CA10: variants seen among roughly 807,000 people sequenced by gnomAD.
The protein encoded by CA10 is carbonic anhydrase-related protein 10.
A neutral mutation model predicts 44.2 loss-of-function variants in CA10; 14 were observed. The observed-to-expected ratio is 0.32, with a 90% CI of 0.21 to 0.50. CA10 has a LOEUF of 0.50. Ranked by LOEUF, CA10 falls within the 20% of genes least tolerant of loss-of-function variation. The pLI is 0.99. For synonymous variants in CA10, 159 were observed against 141.6 expected (o/e 1.12, Z -0.87); for missense variants, 350 against 409.7 (o/e 0.85, Z 1.26).
At chr17:51,889,363 A>G (rs1348580942) in intron 3 of CA10, among the ~76,000 whole-genome samples, 1 of 152,050 alleles carries the variant, frequency 6.6e-6, no homozygotes, top group Non-Finnish European at 1.5e-5. Flanking sequence ...CTCTACGAAA[A>G]ATACAAAAAA....
chr17:51,653,568 AAC>A, intron 5 of CA10, 71 bp downstream of exon 5: 1 of 873,536 alleles, frequency 1.1e-6, no homozygotes, highest in South Asian at 1.3e-5. Flanking sequence ...TTCTAACTCC[AAC>A]AGAGACCGTA....
intron 3 of CA10, among the ~76,000 whole-genome samples, chr17:51,797,085 A>T (rs1050752684): frequency 6.6e-6 from 1 of 152,224 alleles, no homozygotes; most frequent in African/African-American, 2.4e-5. Flanking sequence ...ATCAGAAGGA[A>T]GATGGACCAA....
intron 3 of CA10, among the ~76,000 whole-genome samples, chr17:51,803,006 A>T (rs1411806953): frequency 6.6e-6 from 1 of 152,208 alleles, no homozygotes; most frequent in East Asian, 1.9e-4. Flanking sequence ...GCCAGTTATG[A>T]CAAGACACTC....
intron 5 of CA10, 64 bp from the exon 6 acceptor site, chr17:51,649,318 G>A: frequency 8.7e-7 from 1 of 1,155,760 alleles, no homozygotes; most frequent in Non-Finnish European, 1.3e-6. Context: ...ATCTCCCCGT[G>A]ACATTCACTT....
chr17:51,631,478 G>T lies in CA10; in HGVS notation c.*106C>A. 2.8e-6 allele frequency: 3 copies of T among 1,072,874 alleles called. No individual in the cohort carries two copies. The highest frequency in any genetic ancestry group is 4.3e-6 in the Non-Finnish European group (3 of 692,752). The allele number at this position is 1,072,874 out of a possible 1,614,324, so 66.5% of individuals were successfully genotyped here. On this transcript the variant is annotated 3_prime_UTR_variant, in exon 9 of 9. Coordinates refer to ENST00000451037, the MANE Select transcript of CA10 (RefSeq NM_020178.5). Reference sequence around the variant, plus strand: ...AGGGCCAATCCCAAGAATGAATGAGGCTTGGGGGAAAGAAGGAGAGAGAAG... The same window carrying T: ...AGGGCCAATCCCAAGAATGAATGAGTCTTGGGGGAAAGAAGGAGAGAGAAG...
intron 3 of CA10, among the ~76,000 whole-genome samples, chr17:51,822,091 C>T (rs1329340029): frequency 6.6e-6 from 1 of 152,086 alleles, no homozygotes; most frequent in Non-Finnish European, 1.5e-5. Flanking sequence ...TAGATCATCC[C>T]TCACTTTCTT....
At chr17:51,984,529 GAAAC>G (rs758530924) in intron 2 of CA10, among the ~76,000 whole-genome samples, 4 of 151,510 alleles carry the variant, frequency 2.6e-5, no homozygotes, top group South Asian at 2.1e-4. Context: ...AAATAACATA[GAAAC>G]AAACAGACAA....
chr17:51,988,077 G>C (rs1026229154), intron 2 of CA10, among the ~76,000 whole-genome samples: 6 of 152,156 alleles, frequency 3.9e-5, no homozygotes, highest in South Asian at 4.1e-4. Flanking sequence ...AATGTCATAA[G>C]GGAAATGAGG....
chr17:51,844,552 G>A (rs116863715), intron 3 of CA10, among the ~76,000 whole-genome samples: 1,933 of 152,112 alleles, frequency 0.013, 20 homozygotes, highest in Non-Finnish European at 0.021. Context: ...TTAAAATAGC[G>A]TTTTCTAGGT....
At chr17:51,735,407 C>T (rs909214232) in intron 4 of CA10, among the ~76,000 whole-genome samples, 1 of 152,024 alleles carries the variant, frequency 6.6e-6, no homozygotes, top group Non-Finnish European at 1.5e-5. Flanking sequence ...GGGAAGCAAG[C>T]GTTGAAGAAC....
intron 3 of CA10, among the ~76,000 whole-genome samples, chr17:51,760,587 G>A (rs1038278987): frequency 6.6e-6 from 1 of 152,078 alleles, no homozygotes; most frequent in African/African-American, 2.4e-5. Context: ...GGAGGGGATG[G>A]GATGCGAGAC....
rs980319996 is a variant in CA10, at chr17:51,752,061, G to A, written c.280-4243C>T. ...TCCATAACTGCTATCATTTTCCTAT[G>A]TGTTCTTACAACGAGATGCAACACC... On this transcript the variant is annotated intron_variant, in intron 3 of 8. Coordinates refer to ENST00000451037, the MANE Select transcript of CA10 (RefSeq NM_020178.5). 2.6e-5 allele frequency among the ~76,000 whole-genome samples: 4 copies of A among 151,968 alleles called. No individual in the cohort carries two copies. The East Asian group carries it at 7.7e-4, about 29-fold the overall frequency.
intron 1 of CA10, among the ~76,000 whole-genome samples, chr17:52,141,284 A>T (rs9912320): frequency 1.5e-3 from 234 of 152,328 alleles, no homozygotes; most frequent in African/African-American, 5.0e-3. Context: ...GGTTTCTGAC[A>T]GTAGAAGGTG....
rs890463902 is a variant in CA10, at chr17:52,120,437, T to A, written c.61+37289A>T. ...AACCTTATCCTTATCCTTATCCTTA[T>A]CCTTATCCTTATCCTTATCCTTATC... On this transcript the variant is annotated intron_variant, in intron 1 of 8. Coordinates refer to ENST00000451037, the MANE Select transcript of CA10 (RefSeq NM_020178.5). Among the ~76,000 whole-genome samples, 12 of 139,682 alleles carry A rather than the reference T, an allele frequency of 8.6e-5. No homozygotes were observed. The South Asian group carries it at 8.6e-4, about 10-fold the overall frequency. The allele number at this position is 139,682 out of a possible 152,430, so 91.6% of individuals were successfully genotyped here.
At chr17:52,144,950 G>T (rs1266226590) in intron 1 of CA10, among the ~76,000 whole-genome samples, 1 of 152,116 alleles carries the variant, frequency 6.6e-6, no homozygotes, top group African/African-American at 2.4e-5. Flanking sequence ...CTTAGTTAGA[G>T]ATATTAAATA....
chr17:51,750,271 T>A (rs1904847782), intron 3 of CA10, among the ~76,000 whole-genome samples: 2 of 152,134 alleles, frequency 1.3e-5, no homozygotes, highest in African/African-American at 4.8e-5. Flanking sequence ...ATTTTCACAC[T>A]CATACTTATA....
intron 2 of CA10, among the ~76,000 whole-genome samples, chr17:52,031,155 CTT>C (rs71149390): frequency 3.5e-5 from 5 of 143,164 alleles, no homozygotes; most frequent in Non-Finnish European, 4.6e-5. Context: ...GACTTCAACT[CTT>C]TTTTTTTTTT....
At chr17:51,698,985 T>C (rs1370416606) in intron 4 of CA10, among the ~76,000 whole-genome samples, 3 of 152,224 alleles carry the variant, frequency 2.0e-5, no homozygotes, top group Non-Finnish European at 4.4e-5. Context: ...TGAATAAGGC[T>C]GCAGTGAACA....
intron 1 of CA10, among the ~76,000 whole-genome samples, chr17:52,106,130 G>A (rs190222471): frequency 2.6e-5 from 4 of 152,270 alleles, no homozygotes; most frequent in African/African-American, 7.2e-5. Flanking sequence ...CCCGCATCAC[G>A]GGTTTAAGGA....
Sources: gnomAD v4.1 joint callset for allele counts (sites outside exome capture counted in the v4.1 genomes callset) on GRCh38, gnomAD v4.1.1 for gene constraint, MANE v1.5 for transcripts, NCBI Gene and HGNC (gene_info 2026-07-23, HGNC 2026-07-21) for gene names.